Variants in ZNF215 observed in about 807,000 individuals in gnomAD.
ZNF215 encodes zinc finger protein 215, also known as BWSCR2-associated zinc finger protein 2.
In ZNF215, 24 loss-of-function variants were observed where a neutral mutation model predicts 27.2. That is an observed-to-expected ratio of 0.88 (90% confidence interval 0.64 to 1.24). ZNF215 has a LOEUF of 1.24. ZNF215 is among the 50% of genes most tolerant of loss of function. The probability of loss-of-function intolerance (pLI) is 0.00; values close to 1 mark genes in which losing one functional copy is unlikely to be tolerated. For missense variants in ZNF215, 675 were observed against 605.7 expected, an observed-to-expected ratio of 1.11 and a Z score of -1.20; for synonymous variants, 210 against 204.0, an observed-to-expected ratio of 1.03 and a Z score of -0.25.
At chr11:6,936,119 C>T (rs1251908893) in intron 3 of ZNF215, among the ~76,000 whole-genome samples, 5 of 151,752 alleles carry the variant, frequency 3.3e-5, no homozygotes, top group Admixed American at 6.6e-5. Context: ...AAAAAGAAAA[C>T]CTAAAAGCCA....
intron 5 of ZNF215, among the ~76,000 whole-genome samples, chr11:6,981,850 A>G (rs1850959732): frequency 2.0e-5 from 3 of 151,944 alleles, no homozygotes; most frequent in African/African-American, 7.3e-5. Flanking sequence ...TCCCAGCACC[A>G]TTTATTAAAT....
chr11:6,966,114 C>A (rs1201844683), intron 5 of ZNF215, among the ~76,000 whole-genome samples: 2 of 152,038 alleles, frequency 1.3e-5, no homozygotes, highest in Admixed American at 6.6e-5. Context: ...CAGGTTGTTT[C>A]TTCTTGAGTG....
chr11:6,950,763 CA>C (rs1290693862), intron 6 of ZNF215, among the ~76,000 whole-genome samples: 2 of 148,788 alleles, frequency 1.3e-5, no homozygotes, highest in African/African-American at 5.0e-5. Flanking sequence ...GAACTTCCAA[CA>C]CTATGTTGAA....
rs761214918 is a variant in ZNF215, at chr11:6,932,376, C to A, written c.104C>A (p.Thr35Asn). Reference protein sequence around the residue: ...LRADMSWQQETNPVVETHDSE... With the variant: ...LRADMSWQQENNPVVETHDSE... ...GCAGATATGTCTTGGCAGCAGGAAA[C>A]CAACCCCGTCGTGGAGACACATGAC... Residue 35 changes from threonine (T) to asparagine (N), a missense_variant, in exon 3 of 7, where the codon ACC (threonine) becomes AAC (asparagine). By Grantham distance (65) the Thr-to-Asn change is moderately conservative. Coordinates refer to ENST00000278319, the MANE Select transcript of ZNF215 (RefSeq NM_013250.4). 1 of 1,614,012 alleles carries A rather than the reference C, an allele frequency of 6.2e-7. No homozygotes were observed. Among genetic ancestry groups the A allele is most frequent in the African/African-American group, 1.3e-5 (1 of 74,894 alleles).
intron 5 of ZNF215, 22 bp from the exon 6 acceptor site, chr11:6,943,524 T>A: frequency 6.3e-7 from 1 of 1,595,992 alleles, no homozygotes; most frequent in African/African-American, 1.3e-5. Flanking sequence ...GTTGTTGTTC[T>A]TTTTATTTTC....
intron 5 of ZNF215, among the ~76,000 whole-genome samples, chr11:6,979,297 C>A (rs557660907): frequency 2.0e-5 from 3 of 147,274 alleles, no homozygotes; most frequent in African/African-American, 7.5e-5. Context: ...CTTCTGCTAG[C>A]AAATTTTACA....
chr11:6,951,047 G>A (rs181556728), intron 6 of ZNF215, among the ~76,000 whole-genome samples: 35 of 152,008 alleles, frequency 2.3e-4, no homozygotes, highest in African/African-American at 6.8e-4. Flanking sequence ...ATTGATTTGC[G>A]TATATTGAAC....
chr11:6,992,314 A>G (rs569454974), downstream of ZNF215, among the ~76,000 whole-genome samples: 1 of 152,348 alleles, frequency 6.6e-6, no homozygotes, highest in South Asian at 2.1e-4. Context: ...TAAAATGGCA[A>G]TAGGTAACCA....
chr11:6,950,665 A>G (rs1231483366), intron 6 of ZNF215, among the ~76,000 whole-genome samples: 5 of 151,426 alleles, frequency 3.3e-5, no homozygotes, highest in Non-Finnish European at 4.4e-5. Context: ...ATATACAATC[A>G]TGTCATCTGC....
At chr11:6,987,982 T>G (rs762776245), downstream of ZNF215, among the ~76,000 whole-genome samples, 1 of 152,194 alleles carries the variant, frequency 6.6e-6, no homozygotes, top group Admixed American at 6.5e-5. Flanking sequence ...AGCTCCAGAT[T>G]AATCACTTTT....
chr11:6,933,364 G>T (rs1849327122), intron 3 of ZNF215, among the ~76,000 whole-genome samples: 1 of 152,148 alleles, frequency 6.6e-6, no homozygotes, highest in African/African-American at 2.4e-5. Context: ...GGTCCCTGTG[G>T]GACTTTCACA....
At chr11:6,943,491 C>G in intron 5 of ZNF215, 55 bp from the exon 6 acceptor site, 3 of 1,481,004 alleles carry the variant, frequency 2.0e-6, no homozygotes, top group Non-Finnish European at 2.8e-6. Flanking sequence ...ATAAAAATGT[C>G]TGAAGTGTCA....
Position 6,957,731 on chromosome 11 carries a change from G to T in ZNF215, c.*1200G>T. On this transcript the variant is annotated 3_prime_UTR_variant, in exon 7 of 7. Transcript: ENST00000278319. ...CCTAAGAACCTATTGATGATGTTCA[G>T]TGCAGACTTACTGTACCTTTGGGAA... The T allele has an allele frequency of 1.0e-6, 1 of 985,220 alleles. No homozygotes were observed. Among genetic ancestry groups the T allele is most frequent in the African/African-American group, 1.7e-5 (1 of 57,340 alleles). 61.0% of individuals were successfully genotyped at this position (985,220 alleles called of 1,614,324 possible).
At chr11:6,962,552 TTATG>T (rs1275916609), downstream of ZNF215, among the ~76,000 whole-genome samples, 1 of 152,142 alleles carries the variant, frequency 6.6e-6, no homozygotes, top group Non-Finnish European at 1.5e-5. Flanking sequence ...CTGTACTCTA[TTATG>T]TTATCTACAG....
At chr11:6,943,015 A>G in intron 4 of ZNF215, 68 bp from the exon 5 acceptor site, 1 of 1,566,104 alleles carries the variant, frequency 6.4e-7, no homozygotes, top group South Asian at 1.2e-5. Flanking sequence ...ATTCCTTCAA[A>G]TCCATTCCTT....
intron 5 of ZNF215, among the ~76,000 whole-genome samples, chr11:6,981,930 A>T (rs1850961221): frequency 1.3e-5 from 2 of 152,000 alleles, no homozygotes; most frequent in African/African-American, 4.8e-5. Context: ...GATATGCGGC[A>T]TTATTTCTGG....
At chr11:6,977,238 T>C (rs1056774299) in intron 5 of ZNF215, among the ~76,000 whole-genome samples, 8 of 152,046 alleles carry the variant, frequency 5.3e-5, no homozygotes, top group Non-Finnish European at 1.0e-4. Flanking sequence ...AAGTTTTAAA[T>C]TGTGAGCCAT....
chr11:6,932,512 G>A lies in ZNF215; in HGVS notation c.240G>A (p.Glu80=), dbSNP rs1323162580. The A allele has an allele frequency of 6.2e-7, 1 of 1,614,168 alleles. No individual in the cohort carries two copies. Among genetic ancestry groups the A allele is most frequent in the South Asian group, 1.1e-5 (1 of 91,082 alleles). Residue 80 remains glutamate, a synonymous_variant, in exon 3 of 7, where the codon GAG becomes GAA. Transcript: ENST00000278319. ...TCTGTCTTCAATGGCTGAGACCAGA[G>A]ATTCATACAAAGAAGCAGATTATAG... ...WELCLQWLRP[E]IHTKKQIIEL...
In ZNF215 at chr11:6,954,668, C is replaced by A. The variant is rs191493369; in HGVS notation, c.713-1022C>A. 8.6e-4 allele frequency among the ~76,000 whole-genome samples: 131 copies of A among 152,310 alleles called. 1 individual carries two copies. The highest frequency in any genetic ancestry group is 4.2e-3 in the Admixed American group (65 of 15,302). On this transcript the variant is annotated intron_variant, in intron 6 of 6. Transcript: ENST00000278319. Reference sequence around the variant, plus strand: ...TTTCTTTGACTAGGAAAGGGAACTCCCTGACCCCTTGCGCTTCCCGAGTGA... The same window carrying A: ...TTTCTTTGACTAGGAAAGGGAACTCACTGACCCCTTGCGCTTCCCGAGTGA...
Sources: gnomAD v4.1 joint callset for allele counts (sites outside exome capture counted in the v4.1 genomes callset) on GRCh38, gnomAD v4.1.1 for gene constraint, MANE v1.5 for transcripts, NCBI Gene and HGNC (gene_info 2026-07-23, HGNC 2026-07-21) for gene names.